Variants in MADD observed in about 807,000 individuals in gnomAD.
The protein encoded by MADD is MAP kinase-activating death domain protein.
A neutral mutation model predicts 176.7 loss-of-function variants in MADD; 109 were observed. The ratio of observed to expected loss-of-function variants is 0.62; its 90% CI spans 0.53 to 0.72. The LOEUF (loss-of-function observed/expected upper bound fraction) is 0.72. Among genes scored for constraint, MADD ranks in the 30% least tolerant of loss-of-function variants. The pLI is 0.00. For missense variants in MADD, 1,914 were observed against 2,045.5 expected (o/e 0.94, Z 1.24); for synonymous variants, 771 against 771.3 (o/e 1.00, Z 0.01).
chr11:47,273,113 T>C (rs2046319296), intron 1 of MADD, among the ~76,000 whole-genome samples: 1 of 152,206 alleles, frequency 6.6e-6, no homozygotes, highest in Non-Finnish European at 1.5e-5. Context: ...ACAGAATAAT[T>C]AAGTTTCCAT....
intron 23 of MADD, 114 bp downstream of exon 25, chr11:47,308,813 T>C (rs761430593): frequency 2.0e-6 from 2 of 1,018,144 alleles, no homozygotes; most frequent in Non-Finnish European, 3.0e-6. Flanking sequence ...ATGCTAACAT[T>C]AGATAGCAGT....
At chr11:47,328,432 A>G (rs2095693392) in intron 31 of MADD, 7 of 1,432,334 alleles carry the variant, frequency 4.9e-6, no homozygotes, top group Non-Finnish European at 6.4e-6. Flanking sequence ...ACTGCGGATG[A>G]CAGAGGCCTA....
At chr11:47,329,145 A>G (rs2095797928) in exon 33 of MADD, 1 of 1,613,472 alleles carries the variant, frequency 6.2e-7, no homozygotes, top group Admixed American at 1.7e-5. Context: ...GCCTGTCTCT[A>G]GCTGATGGAG....
chr11:47,292,485 G>C, intron 19 of MADD, 58 bp from the exon 21 acceptor site: 2 of 1,544,842 alleles, frequency 1.3e-6, no homozygotes, highest in Admixed American at 3.3e-5. Context: ...CATTTCGTCT[G>C]TCTGACCAGC....
chr11:47,329,433 C>T (rs897766771), exon 33 of MADD: 5 of 432,054 alleles, frequency 1.2e-5, no homozygotes, highest in African/African-American at 9.9e-5. Context: ...ATTTTGTGTC[C>T]TTGAGACATT....
chr11:47,318,998 G>A (rs1482328197), intron 27 of MADD, among the ~76,000 whole-genome samples: 2 of 150,730 alleles, frequency 1.3e-5, no homozygotes, highest in Non-Finnish European at 3.0e-5. Context: ...AGTAGAGACG[G>A]GGTTTCACCA....
intron 22 of MADD, among the ~76,000 whole-genome samples, chr11:47,299,973 A>G (rs1447533429): frequency 6.6e-6 from 1 of 152,164 alleles, no homozygotes; most frequent in Non-Finnish European, 1.5e-5. Flanking sequence ...ATTGTAGAGG[A>G]AAAACTTTCA....
At chr11:47,300,206 CT>C (rs777080143) in intron 22 of MADD, among the ~76,000 whole-genome samples, 1,508 of 130,342 alleles carry the variant, frequency 0.012, 6 homozygotes, top group Non-Finnish European at 0.018. Context: ...TTTTTTCTTT[CT>C]TTTTTTTTTT....
intron 30 of MADD, 39 bp downstream of exon 33, chr11:47,324,616 A>T: frequency 1.4e-6 from 2 of 1,401,430 alleles, no homozygotes; most frequent in Non-Finnish European, 2.0e-6. Context: ...CTGTCGTTCC[A>T]TCTGTAAGAA....
intron 30 of MADD, chr11:47,324,827 G>A (rs61897361): frequency 0.089 from 58,464 of 654,130 alleles, 2,960 homozygotes; most frequent in South Asian, 0.11. Flanking sequence ...AGGTGGCCAC[G>A]CTGCCCCATC....
At chr11:47,307,622 C>T (rs2083964766) in intron 22 of MADD, among the ~76,000 whole-genome samples, 1 of 151,984 alleles carries the variant, frequency 6.6e-6, no homozygotes, top group South Asian at 2.1e-4. Flanking sequence ...ATGATATTAC[C>T]TACCTCTGAT....
exon 23 of MADD, chr11:47,308,642 C>T: frequency 6.8e-6 from 11 of 1,614,068 alleles, no homozygotes; most frequent in Non-Finnish European, 9.3e-6. Flanking sequence ...GGCAGGCAGC[C>T]CCATTCGTAC....
intron 15 of MADD, among the ~76,000 whole-genome samples, chr11:47,287,904 C>T (rs2061960052): frequency 6.6e-6 from 1 of 150,528 alleles, no homozygotes; most frequent in South Asian, 2.1e-4. Context: ...CATTCTGCCT[C>T]AGCCTCCTGA....
rs1476412470 is a variant in MADD, at chr11:47,296,058, AAG to A, written c.3642+4_3642+5del. On this transcript the variant is annotated splice_donor_5th_base_variant and intron_variant, in intron 22 of 32. Transcript: ENST00000402192. ...ACTCTGCCACAAGCACCATCTTTGT[AAG>A]CTTTGTTTATTAACAAAAGAAAACC... is the stretch of plus-strand genomic sequence containing the variant. The A allele has an allele frequency of 6.2e-7, 1 of 1,609,444 alleles. No individual in the cohort carries two copies. Among genetic ancestry groups the A allele is most frequent in the Non-Finnish European group, 8.5e-7 (1 of 1,178,666 alleles).
intron 27 of MADD, among the ~76,000 whole-genome samples, chr11:47,323,118 A>G (rs1009678805): frequency 2.0e-5 from 3 of 151,832 alleles, no homozygotes; most frequent in African/African-American, 7.3e-5. Context: ...TGTGCCTGTA[A>G]TCTCAGCTAC....
At chr11:47,283,674 C>T (rs188853750) in intron 10 of MADD, among the ~76,000 whole-genome samples, 21 of 152,286 alleles carry the variant, frequency 1.4e-4, no homozygotes, top group East Asian at 9.7e-4. Flanking sequence ...CGGGTTCAAG[C>T]GATTCTCTTG....
At chr11:47,279,325 ACT>A (rs2053869670) in intron 7 of MADD, among the ~76,000 whole-genome samples, 1 of 143,808 alleles carries the variant, frequency 7.0e-6, no homozygotes, top group South Asian at 2.2e-4. Context: ...ATAGCCCTTC[ACT>A]CTCTGTTTCT....
At chr11:47,309,143 G>A in intron 23 of MADD, 101 bp downstream of exon 26, 5 of 1,543,718 alleles carry the variant, frequency 3.2e-6, no homozygotes, top group Non-Finnish European at 3.6e-6. Context: ...TGTTAGATCT[G>A]GGGTAGAAAG....
At chr11:47,305,121 C>A (rs552315631) in intron 22 of MADD, among the ~76,000 whole-genome samples, 1 of 151,986 alleles carries the variant, frequency 6.6e-6, no homozygotes, top group Admixed American at 6.6e-5. Context: ...GTTTTGGAGT[C>A]CTCCTATTCT....
Sources: gnomAD v4.1 joint callset for allele counts (sites outside exome capture counted in the v4.1 genomes callset) on GRCh38, gnomAD v4.1.1 for gene constraint, MANE v1.5 for transcripts, NCBI Gene and HGNC (gene_info 2026-07-23, HGNC 2026-07-21) for gene names.